DRC1: variants seen among roughly 807,000 people sequenced by gnomAD.
DRC1 encodes dynein regulatory complex subunit 1.
In DRC1, 74 loss-of-function variants were observed where a neutral mutation model predicts 98.7. That is an observed-to-expected ratio of 0.75 (90% CI 0.62 to 0.91). The LOEUF (loss-of-function observed/expected upper bound fraction) is 0.91. Ranked by LOEUF, DRC1 falls within the 40% of genes least tolerant of loss-of-function variation. The probability of loss-of-function intolerance (pLI) is 0.00; values close to 1 mark genes in which losing one functional copy is unlikely to be tolerated. For missense variants in DRC1, 875 were observed against 886.0 expected (o/e 0.99, Z 0.16); for synonymous variants, 336 against 334.1 (o/e 1.01, Z -0.06).
chr2:26,429,802 GA>G (rs1663386709), intron 5 of DRC1, 37 bp downstream of exon 5: 3 of 1,610,172 alleles, frequency 1.9e-6, no homozygotes, highest in African/African-American at 1.3e-5. Context: ...TCTGCTCTTG[GA>G]GGGCCCCTGG....
intron 5 of DRC1, chr2:26,430,571 C>T: frequency 1.6e-6 from 1 of 639,140 alleles, no homozygotes; most frequent in South Asian, 1.5e-5. Flanking sequence ...CACATCTCCT[C>T]TCCGCATTTG....
chr2:26,454,026 G>A lies in DRC1; in HGVS notation c.1919+477G>A, dbSNP rs1339342975. ...CTGGTCTGTTCAAGAATCATCACAG[G>A]AGGTCTGGCTGGAGTGTCAAGGGCC... On this transcript the variant is annotated intron_variant, in intron 14 of 16. Transcript: ENST00000288710. The surrounding 1 kb of genome is among the most constrained non-coding windows in gnomAD (Gnocchi z 5.2). Among the ~76,000 whole-genome samples, 1 of 152,202 alleles carries A rather than the reference G, an allele frequency of 6.6e-6. No individual in the cohort carries two copies. The highest frequency in any genetic ancestry group is 2.4e-5 in the African/African-American group (1 of 41,448).
chr2:26,407,917 G>A (rs1435042819), intron 1 of DRC1, among the ~76,000 whole-genome samples: 4 of 152,290 alleles, frequency 2.6e-5, no homozygotes, highest in Admixed American at 6.5e-5. Context: ...ATGCACGTGC[G>A]TAATGAGTTT....
Position 26,427,791 on chromosome 2 carries a change from A to C in DRC1, c.541-1837A>C, listed in dbSNP as rs147883829. The stretch of plus-strand genomic sequence containing the variant: ...TATCTCCACGAGTTCAATTGTTTTA[A>C]TTTTTAGCTCCCACAAATGAGTGAG... On this transcript the variant is annotated intron_variant, in intron 4 of 16. Coordinates refer to ENST00000288710, the MANE Select transcript of DRC1 (RefSeq NM_145038.5). 6.0e-3 allele frequency among the ~76,000 whole-genome samples: 909 copies of C among 152,220 alleles called. 8 individuals are homozygous for C. The highest frequency in any genetic ancestry group is 0.021 in the African/African-American group (861 of 41,532).
rs756662281 is a variant in DRC1 at position 26,448,725 on chromosome 2, AGAG to A, written c.1432_1434del (p.Glu478del). ...AGGCAGAAGAGGCCGCCGCGGAACC[AGAG>A]TCCTACCTGGATTTGCCGAAGCAAA... On this transcript the variant is annotated inframe_deletion, in exon 11 of 17. Coordinates refer to ENST00000288710, the MANE Select transcript of DRC1 (RefSeq NM_145038.5). The A allele has an allele frequency of 6.2e-7, 1 of 1,614,232 alleles. No homozygotes were observed. Among genetic ancestry groups the A allele is most frequent in the South Asian group, 1.1e-5 (1 of 91,080 alleles).
intron 2 of DRC1, among the ~76,000 whole-genome samples, chr2:26,415,935 CAAAAAA>C (rs59566642): frequency 3.0e-5 from 3 of 98,384 alleles, no homozygotes; most frequent in African/African-American, 1.0e-4. Context: ...CTTTCTCTTT[CAAAAAA>C]AAAAAAAAAA....
At chr2:26,412,119 T>C (rs982140840) in intron 1 of DRC1, among the ~76,000 whole-genome samples, 1 of 152,060 alleles carries the variant, frequency 6.6e-6, no homozygotes, top group African/African-American at 2.4e-5. Context: ...TTTGGTTAGA[T>C]TGGGAGTGGA....
At chr2:26,439,163 C>G (rs1299106675) in intron 7 of DRC1, among the ~76,000 whole-genome samples, 2 of 152,120 alleles carry the variant, frequency 1.3e-5, no homozygotes, top group Admixed American at 1.3e-4. Context: ...TCCCAAAGCA[C>G]CCACCCCCCT....
intron 16 of DRC1, 30 bp from the exon 17 acceptor site, chr2:26,456,431 A>C: frequency 6.2e-7 from 1 of 1,613,846 alleles, no homozygotes; most frequent in African/African-American, 1.3e-5. Flanking sequence ...CCTGGGAAAA[A>C]TGTAACGACT....
At chr2:26,444,694 G>A (rs758337902) in intron 9 of DRC1, 22 bp from the exon 10 acceptor site, 5 of 1,610,126 alleles carry the variant, frequency 3.1e-6, no homozygotes, top group Admixed American at 1.7e-5. Flanking sequence ...AGCTGGCCAT[G>A]CTCTGTGACT....
chr2:26,425,496 C>CTGTTTTTT (rs1663260054), intron 4 of DRC1, among the ~76,000 whole-genome samples: 2 of 152,274 alleles, frequency 1.3e-5, no homozygotes, highest in South Asian at 4.1e-4. Context: ...TAGGAACCTC[C>CTGTTTTTT]ATACTGTTTT....
rs1251226783 is a variant in DRC1, at chr2:26,444,946, C to T, written c.1394C>T (p.Ser465Leu). ...ATAGTAGAAGAAATGCTTATGCGCT[C>T]AGGTGACTAGAACACTGTCATAGAG... ...TQIVEEMLMR[S>L]EEEEAEEAAA... The change falls in exon 10 of 17, where the codon TCA (serine) becomes TTA (leucine). Residue 465 changes from serine (S) to leucine (L), a missense_variant and splice_region_variant. By Grantham distance (145) the Ser-to-Leu change is moderately radical. Transcript: ENST00000288710. 6.2e-7 allele frequency: 1 copy of T among 1,613,828 alleles called. No homozygotes were observed. Among genetic ancestry groups the T allele is most frequent in the Admixed American group, 1.7e-5 (1 of 59,996 alleles).
At chr2:26,404,429 C>T (rs1021042961) in intron 1 of DRC1, among the ~76,000 whole-genome samples, 3 of 152,180 alleles carry the variant, frequency 2.0e-5, no homozygotes, top group Admixed American at 6.5e-5. Context: ...GTGCCTGAGG[C>T]TGTACAAATT....
At chr2:26,412,023 A>G (rs1265546752) in intron 1 of DRC1, among the ~76,000 whole-genome samples, 2 of 152,196 alleles carry the variant, frequency 1.3e-5, no homozygotes, top group Non-Finnish European at 2.9e-5. Context: ...GTAAAATGGA[A>G]CAATTAGTTT....
chr2:26,424,705 A>G (rs890137367), intron 4 of DRC1, among the ~76,000 whole-genome samples: 5 of 152,188 alleles, frequency 3.3e-5, no homozygotes, highest in African/African-American at 9.6e-5. Flanking sequence ...TAATCCCAGC[A>G]TTCTGGGAGG....
Position 26,421,295 on chromosome 2 carries a change from C to T in DRC1, c.251C>T (p.Ala84Val). The T allele has an allele frequency of 6.2e-7, 1 of 1,612,702 alleles. No individual in the cohort carries two copies. The highest frequency in any genetic ancestry group is 2.2e-5 in the East Asian group (1 of 44,836). Residue 84 changes from alanine to valine, a missense_variant, in exon 3 of 17, where the codon GCT (alanine) becomes GTT (valine). By Grantham distance (64) the Ala-to-Val change is moderately conservative (BLOSUM62 0). Transcript: ENST00000288710. ...TTATATCTCTCTTTTTAGAAATTGG[C>T]TAAACTTCTGCTCTGTGGCACCGAG... ...KQKEESRLKL[A>V]KLLLCGTELV...
chr2:26,438,536 T>C (rs1663632640), intron 7 of DRC1, among the ~76,000 whole-genome samples: 1 of 152,210 alleles, frequency 6.6e-6, no homozygotes, highest in Non-Finnish European at 1.5e-5. Context: ...GCTTCTGTTC[T>C]GAAGGAGACA....
intron 4 of DRC1, 89 bp downstream of exon 4, chr2:26,424,543 T>C: frequency 7.6e-7 from 1 of 1,314,564 alleles, no homozygotes; most frequent in Non-Finnish European, 1.0e-6. Flanking sequence ...AATGGAAAAA[T>C]GTAGAAACCT....
At position 26,402,048 on chromosome 2, in the gene DRC1, C is replaced by G. The variant is rs777988554; in HGVS notation, c.59C>G (p.Thr20Ser). 3.7e-6 allele frequency: 6 copies of G among 1,613,222 alleles called. No homozygotes were observed. The South Asian group carries it at 6.6e-5, about 18-fold the overall frequency. ...LDPNVDEHLS[T>S]QILAPSVHSD... ...CCGAACGTGGACGAGCACTTGTCCA[C>G]CCAGATTCTCGCGCCCTCGGTCCAC... Residue 20 changes from threonine to serine, a missense_variant, in exon 1 of 17, where the codon ACC becomes AGC. Thr to Ser is a moderately conservative substitution (Grantham distance 58). Transcript: ENST00000288710.
Sources: allele counts gnomAD v4.1 joint callset (sites outside exome capture counted in the v4.1 genomes callset), GRCh38; gene constraint gnomAD v4.1.1; non-coding constraint Gnocchi (gnomAD v3.1); transcripts MANE v1.5; gene names NCBI Gene and HGNC (gene_info 2026-07-23, HGNC 2026-07-21).